MAP4: variants seen among roughly 807,000 people sequenced by gnomAD.
The protein encoded by MAP4 is microtubule associated protein 4, also known as microtubule-associated protein 4.
A neutral mutation model predicts 170.2 loss-of-function variants in MAP4; 76 were observed. That is an observed-to-expected ratio of 0.45 (90% CI 0.37 to 0.54). MAP4 has a LOEUF of 0.54. MAP4 is among the 20% of genes least tolerant of loss of function. MAP4 has a pLI of 0.00. For synonymous variants in MAP4, 909 were observed against 994.5 expected (o/e 0.91, Z 1.62); for missense variants, 2,506 against 2,748.0 (o/e 0.91, Z 1.97).
intron 10 of MAP4, among the ~76,000 whole-genome samples, chr3:47,884,851 G>A (rs987875467): frequency 5.1e-4 from 78 of 152,286 alleles, no homozygotes; most frequent in African/African-American, 1.8e-3. Context: ...CCCCTGGGTA[G>A]AGGATTACAA....
chr3:47,933,294 C>T (rs1314281373), intron 3 of MAP4, among the ~76,000 whole-genome samples: 1 of 152,078 alleles, frequency 6.6e-6, no homozygotes, highest in Non-Finnish European at 1.5e-5. Flanking sequence ...AAAAAATGTT[C>T]TAACGATGGA....
At chr3:47,930,462 A>C (rs1376261150) in intron 3 of MAP4, among the ~76,000 whole-genome samples, 3 of 151,562 alleles carry the variant, frequency 2.0e-5, no homozygotes, top group African/African-American at 4.8e-5. Flanking sequence ...AAAAAAAAAA[A>C]CAAACAAACA....
chr3:48,086,006 C>G (rs953413554), intron 1 of MAP4, among the ~76,000 whole-genome samples: 1 of 151,906 alleles, frequency 6.6e-6, no homozygotes, highest in East Asian at 1.9e-4. Context: ...GAGCTGAGAT[C>G]GTGCCACTGC....
intron 10 of MAP4, among the ~76,000 whole-genome samples, chr3:47,899,574 T>C (rs961483323): frequency 6.6e-6 from 1 of 152,248 alleles, no homozygotes; most frequent in East Asian, 1.9e-4. Flanking sequence ...TTTATTTATA[T>C]GACTTTCCCA....
chr3:47,925,085 C>T (rs1280065287), intron 4 of MAP4, among the ~76,000 whole-genome samples: 1 of 152,206 alleles, frequency 6.6e-6, no homozygotes, highest in African/African-American at 2.4e-5. Flanking sequence ...GCTGTGATTA[C>T]AGGCGTGAGC....
At chr3:47,922,906 C>T (rs1219506279) in intron 4 of MAP4, among the ~76,000 whole-genome samples, 1 of 152,080 alleles carries the variant, frequency 6.6e-6, no homozygotes, top group Non-Finnish European at 1.5e-5. Context: ...AAAAATTAGT[C>T]AGGCGTGGTG....
At chr3:48,010,282 ACG>A (rs1396915697) in intron 1 of MAP4, among the ~76,000 whole-genome samples, 2 of 152,228 alleles carry the variant, frequency 1.3e-5, no homozygotes, top group Non-Finnish European at 2.9e-5. Flanking sequence ...AGCTATGACC[ACG>A]TGACCAGCTG....
chr3:47,890,311 CA>C, intron 10 of MAP4, among the ~76,000 whole-genome samples: 1 of 152,264 alleles, frequency 6.6e-6, no homozygotes, highest in Non-Finnish European at 1.5e-5. Flanking sequence ...TATTAGGTTG[CA>C]AGTCTCTCCT....
chr3:47,935,828 A>G (rs887840474), intron 3 of MAP4, among the ~76,000 whole-genome samples: 3 of 151,074 alleles, frequency 2.0e-5, no homozygotes, highest in Non-Finnish European at 4.4e-5. Context: ...AGTCCCAGCT[A>G]CTCAGGAGGC....
intron 19 of MAP4, chr3:47,854,980 G>A (rs1301419683): frequency 1.8e-5 from 8 of 448,098 alleles, no homozygotes; most frequent in African/African-American, 1.2e-4. Context: ...CAAATGGCTG[G>A]ATGGGCTCAA....
intron 10 of MAP4, among the ~76,000 whole-genome samples, chr3:47,896,807 T>C (rs13062855): frequency 2.3e-3 from 357 of 152,298 alleles, no homozygotes; most frequent in Non-Finnish European, 3.6e-3. Context: ...TTTCAAAATC[T>C]GGGGCACTGC....
intron 3 of MAP4, among the ~76,000 whole-genome samples, chr3:47,942,681 T>A (rs2100057253): frequency 6.6e-6 from 1 of 152,180 alleles, no homozygotes; most frequent in South Asian, 2.1e-4. Context: ...CAAACAAAGG[T>A]GACAAGGAAA....
chr3:47,854,376 G>A (rs2050522539), intron 19 of MAP4, among the ~76,000 whole-genome samples: 1 of 152,220 alleles, frequency 6.6e-6, no homozygotes, highest in South Asian at 2.1e-4. Flanking sequence ...CAAGGCTTCA[G>A]TCAGAGCATC....
chr3:47,906,131 G>A (rs927873299), intron 9 of MAP4, among the ~76,000 whole-genome samples: 1 of 151,204 alleles, frequency 6.6e-6, no homozygotes, highest in African/African-American at 2.4e-5. Context: ...AGGGAAACAG[G>A]TATTTGTCTA....
intron 1 of MAP4, among the ~76,000 whole-genome samples, chr3:48,079,680 G>A (rs1415779624): frequency 6.6e-6 from 1 of 151,906 alleles, no homozygotes; most frequent in African/African-American, 2.4e-5. Flanking sequence ...GCCGGGTGCG[G>A]TGGCTCACAC....
chr3:48,060,759 A>T (rs370849531), intron 1 of MAP4, among the ~76,000 whole-genome samples: 204 of 152,192 alleles, frequency 1.3e-3, no homozygotes, highest in Middle Eastern at 6.8e-3. Context: ...ACAAAAAAAA[A>T]AATAATAATA....
intron 10 of MAP4, among the ~76,000 whole-genome samples, chr3:47,894,290 A>C (rs1212207819): frequency 1.3e-5 from 2 of 152,216 alleles, no homozygotes; most frequent in Non-Finnish European, 2.9e-5. Context: ...GTAACAAGAA[A>C]AAATATGATT....
chr3:47,888,274 C>G (rs913530898), intron 10 of MAP4, among the ~76,000 whole-genome samples: 1 of 152,192 alleles, frequency 6.6e-6, no homozygotes, highest in Non-Finnish European at 1.5e-5. Context: ...CCCGAGCCAG[C>G]ACTGGTAACC....
At chr3:48,073,552 G>A (rs1049974698) in intron 1 of MAP4, among the ~76,000 whole-genome samples, 60 of 151,380 alleles carry the variant, frequency 4.0e-4, no homozygotes, top group Admixed American at 3.7e-3. Context: ...CGGAGGTTGC[G>A]GAGAGCCGAG....
Sources: gnomAD v4.1 joint callset for allele counts (sites outside exome capture counted in the v4.1 genomes callset) on GRCh38, gnomAD v4.1.1 for gene constraint, MANE v1.5 for transcripts, NCBI Gene and HGNC (gene_info 2026-07-23, HGNC 2026-07-21) for gene names.